The following ISCU variants were observed in gnomAD, a reference collection of about 807,000 sequenced individuals.
ISCU encodes iron-sulfur cluster assembly enzyme ISCU.
ISCU carries 13 observed loss-of-function variants against 18.4 expected under a neutral mutation model. The ratio of observed to expected loss-of-function variants is 0.71; its 90% CI spans 0.46 to 1.12. The LOEUF (loss-of-function observed/expected upper bound fraction) is 1.12. Among genes scored for constraint, ISCU ranks in the 50% most tolerant of loss-of-function variants. The pLI is 0.00. For synonymous variants in ISCU, 104 were observed against 87.5 expected (o/e 1.19, Z -1.06); for missense variants, 229 against 208.7 (o/e 1.10, Z -0.60).
chr12:108,564,005 T>C, intron 1 of ISCU: 1 of 1,210,286 alleles, frequency 8.3e-7, no homozygotes, highest in Non-Finnish European at 1.2e-6. Flanking sequence ...TCAAGTATTT[T>C]TGTAAAAATC....
At chr12:108,561,991 G>T (rs1343789508), upstream of ISCU, among the ~76,000 whole-genome samples, 1 of 152,040 alleles carries the variant, frequency 6.6e-6, no homozygotes, top group African/African-American at 2.4e-5. Flanking sequence ...TTTGCTTTCC[G>T]TTGGATCCCC....
At chr12:108,567,672 C>G in intron 4 of ISCU, 1 of 1,535,714 alleles carries the variant, frequency 6.5e-7, no homozygotes, top group Non-Finnish European at 8.7e-7. Flanking sequence ...TGTGCTGTTT[C>G]CAGCAGAGGA....
intron 2 of ISCU, 155 bp from the exon 3 acceptor site, chr12:108,565,166 C>T (rs1040193800): frequency 7.6e-6 from 5 of 656,064 alleles, no homozygotes; most frequent in African/African-American, 7.2e-5. Context: ...CATCACTGAG[C>T]TCTTTGAAAC....
In ISCU at chr12:108,567,283, T is replaced by G. The variant is rs2030945164; in HGVS notation, c.418+15T>G. 1 of 1,597,854 alleles carries G rather than the reference T, an allele frequency of 6.3e-7. No homozygotes were observed. The highest frequency in any genetic ancestry group is 8.6e-7 in the Non-Finnish European group (1 of 1,165,370). ...GCACTGCTCCAGTAAGTCTCTGCTCTCCATACCAGTCAGCTGGGACATTTG... is the reference window on the plus strand; with the variant it reads ...GCACTGCTCCAGTAAGTCTCTGCTCGCCATACCAGTCAGCTGGGACATTTG... On this transcript the variant is annotated intron_variant, in intron 4 of 4. Coordinates refer to ENST00000311893, the MANE Select transcript of ISCU (RefSeq NM_213595.4).
rs972404776 is a variant in ISCU at position 108,568,030 on chromosome 12, C to G, written c.418+762C>G. On this transcript the variant is annotated intron_variant, in intron 4 of 4. Coordinates refer to ENST00000311893, the MANE Select transcript of ISCU (RefSeq NM_213595.4). The stretch of plus-strand genomic sequence containing the variant: ...CCTCTTGCCAAGGTAATACTCACAG[C>G]AGAAGAGCCAGGTGCCGGGGCAGAC... 6.0e-6 allele frequency: 9 copies of G among 1,503,764 alleles called. No homozygotes were observed. In the Admixed American group the frequency reaches 1.9e-4, roughly 32 times the overall value. 93.2% of individuals were successfully genotyped at this position (1,503,764 alleles called of 1,614,324 possible). A position where few individuals can be genotyped will look rare whatever the true frequency, so the allele number is the denominator to read the frequency against.
rs974064912 is a variant in ISCU, at chr12:108,568,437, C to T, written c.419-394C>T. ...CTTTTTTATCATGACAAGATTTTGT[C>T]CAAAGCTAGACTTTGATGGGAGCAG... On this transcript the variant is annotated intron_variant, in intron 4 of 4. Transcript: ENST00000311893. The T allele has an allele frequency of 2.1e-5, 23 of 1,108,444 alleles. No individual in the cohort carries two copies. The African/African-American group carries it at 3.6e-4, about 17-fold the overall frequency. The allele number at this position is 1,108,444 out of a possible 1,614,324, so 68.7% of individuals were successfully genotyped here. A position where few individuals can be genotyped will look rare whatever the true frequency, so the allele number is the denominator to read the frequency against.
At chr12:108,566,957 CTG>C (rs1423251866) in intron 3 of ISCU, among the ~76,000 whole-genome samples, 1 of 152,226 alleles carries the variant, frequency 6.6e-6, no homozygotes, top group East Asian at 1.9e-4. Flanking sequence ...AGTGTCTGGG[CTG>C]TCTTTGCTTA....
chr12:108,564,317 C>A lies in ISCU; in HGVS notation c.153C>A (p.Ser51=), dbSNP rs1312841775. ...ATGAAAATCCTAGAAACGTGGGGTCCCTTGACAAGACATCTAAAAATGTTG... is the reference window on the plus strand; with the variant it reads ...ATGAAAATCCTAGAAACGTGGGGTCACTTGACAAGACATCTAAAAATGTTG... The part of the protein sequence containing the change: ...DHYENPRNVG[S]LDKTSKNVGT... Residue 51 remains serine, a synonymous_variant, in exon 2 of 5, where the codon TCC becomes TCA. Transcript: ENST00000311893. 3 of 1,614,016 alleles carry A rather than the reference C, an allele frequency of 1.9e-6. No homozygotes were observed. In the East Asian group the frequency reaches 6.7e-5, roughly 36 times the overall value.
rs746812687 is a variant in ISCU at position 108,562,613 on chromosome 12, A to G, written c.-10A>G. On this transcript the variant is annotated 5_prime_UTR_variant, in exon 1 of 5. Coordinates refer to ENST00000311893, the MANE Select transcript of ISCU (RefSeq NM_213595.4). ...GTCGCTCTGGACTGGCGCAGGCGCA[A>G]GCCGGCAAGATGGCGGCGGCTGGGG... 4 of 1,441,528 alleles carry G rather than the reference A, an allele frequency of 2.8e-6. No individual in the cohort carries two copies. The highest frequency in any genetic ancestry group is 3.6e-6 in the Non-Finnish European group (4 of 1,096,140). The allele number at this position is 1,441,528 out of a possible 1,614,324, so 89.3% of individuals were successfully genotyped here.
Position 108,562,714 on chromosome 12 carries a change from C to A in ISCU, c.92C>A (p.Pro31Gln). Residue 31 changes from proline (P) to glutamine (Q), a missense_variant, in exon 1 of 5, where the codon CCG becomes CAG. By Grantham distance (76) the Pro-to-Gln change is moderately conservative. Coordinates refer to ENST00000311893, the MANE Select transcript of ISCU (RefSeq NM_213595.4). The stretch of plus-strand genomic sequence containing the variant: ...CTGCCCGCCCGGGAGCTGTCGGCCC[C>A]GGCCCGACTCTATCACAAGAAGGTA... ...PRLPARELSA[P>Q]ARLYHKKVVD... 2.0e-6 allele frequency: 3 copies of A among 1,489,528 alleles called. No individual in the cohort carries two copies. Among genetic ancestry groups the A allele is most frequent in the South Asian group, 1.3e-5 (1 of 76,876 alleles). The allele number at this position is 1,489,528 out of a possible 1,614,324, so 92.3% of individuals were successfully genotyped here.
At position 108,569,336 on chromosome 12, in the gene ISCU, A is replaced by G; in HGVS notation, c.*420A>G. ...TAAAACAGATTGCGCATATATATAT[A>G]TGTATAAAAAATAATAAAATAATGG... On this transcript the variant is annotated 3_prime_UTR_variant, in exon 5 of 5. Coordinates refer to ENST00000311893, the MANE Select transcript of ISCU (RefSeq NM_213595.4). 1 of 165,600 alleles carries G rather than the reference A, an allele frequency of 6.0e-6. No individual in the cohort carries two copies. The highest frequency in any genetic ancestry group is 1.3e-5 in the Non-Finnish European group (1 of 75,844). 10.3% of individuals were successfully genotyped at this position (165,600 alleles called of 1,614,324 possible).
rs1283093465 is a variant in ISCU at position 108,564,316 on chromosome 12, C to T, written c.152C>T (p.Ser51Phe). The change falls in exon 2 of 5, where the codon TCC becomes TTC. Residue 51 changes from serine (S) to phenylalanine (F), a missense_variant. Ser to Phe is a radical substitution (Grantham distance 155). Transcript: ENST00000311893. ...TATGAAAATCCTAGAAACGTGGGGT[C>T]CCTTGACAAGACATCTAAAAATGTT... ...DHYENPRNVG[S>F]LDKTSKNVGT... The T allele has an allele frequency of 6.2e-7, 1 of 1,614,102 alleles. No individual in the cohort carries two copies. Among genetic ancestry groups the T allele is most frequent in the East Asian group, 2.2e-5 (1 of 44,890 alleles).
At chr12:108,564,601 C>A (rs1202390853) in intron 2 of ISCU, among the ~76,000 whole-genome samples, 1 of 152,160 alleles carries the variant, frequency 6.6e-6, no homozygotes, top group Non-Finnish European at 1.5e-5. Flanking sequence ...GTGTACTATG[C>A]CAACTTTTTC....
In ISCU at chr12:108,569,061, A is replaced by G; in HGVS notation, c.*145A>G. ...ACTTGCTGTTCACGTTATGACTCTCATGCAAGCAAAATACACAGTTTCATT... is the reference window on the plus strand; with the variant it reads ...ACTTGCTGTTCACGTTATGACTCTCGTGCAAGCAAAATACACAGTTTCATT... On this transcript the variant is annotated 3_prime_UTR_variant, in exon 5 of 5. Transcript: ENST00000311893. 1.4e-6 allele frequency: 1 copy of G among 712,198 alleles called. No homozygotes were observed. Among genetic ancestry groups the G allele is most frequent in the Non-Finnish European group, 2.5e-6 (1 of 405,516 alleles). The allele number at this position is 712,198 out of a possible 1,614,324, so 44.1% of individuals were successfully genotyped here.
chr12:108,564,728 A>G (rs1463800743), intron 2 of ISCU, among the ~76,000 whole-genome samples: 1 of 152,262 alleles, frequency 6.6e-6, no homozygotes, highest in Non-Finnish European at 1.5e-5. Context: ...GTGAGCTAGC[A>G]GTCCCCAATG....
Position 108,562,662 on chromosome 12 carries a change from T to G in ISCU, c.40T>G (p.Ser14Ala). Residue 14 changes from serine to alanine, a missense_variant, in exon 1 of 5, where the codon TCG becomes GCG. Physicochemically the swap from Ser to Ala is moderately conservative, Grantham distance 99. Coordinates refer to ENST00000311893, the MANE Select transcript of ISCU (RefSeq NM_213595.4). ...AGAFRLRRAA[S>A]ALLLRSPRLP... is the part of the protein sequence containing the mutation. Reference sequence around the variant, plus strand: ...GGCTTTCCGTCTGAGGCGGGCGGCATCGGCTCTGCTGCTGCGGAGCCCCCG... The same window carrying G: ...GGCTTTCCGTCTGAGGCGGGCGGCAGCGGCTCTGCTGCTGCGGAGCCCCCG... 1 of 1,452,480 alleles carries G rather than the reference T, an allele frequency of 6.9e-7. No individual in the cohort carries two copies. The highest frequency in any genetic ancestry group is 2.9e-5 in the East Asian group (1 of 34,596). 90.0% of individuals were successfully genotyped at this position (1,452,480 alleles called of 1,614,324 possible).
chr12:108,567,416 T>A, intron 4 of ISCU, 148 bp downstream of exon 4: 1 of 770,148 alleles, frequency 1.3e-6, no homozygotes, highest in Non-Finnish European at 2.3e-6. Flanking sequence ...TGCAGAGGGT[T>A]AGAGCCCCCA....
chr12:108,561,527 C>G (rs1417165179), upstream of ISCU: 2 of 186,884 alleles, frequency 1.1e-5, no homozygotes, highest in African/African-American at 4.7e-5. Flanking sequence ...CCTTACTTAT[C>G]GCCTAGTGTG....
intron 4 of ISCU, 37 bp from the exon 5 acceptor site, chr12:108,568,794 C>A: frequency 1.3e-6 from 2 of 1,597,018 alleles, no homozygotes; most frequent in Middle Eastern, 1.7e-4. Flanking sequence ...TCTTTCACAT[C>A]TAGAAACTTA....
Sources: allele counts gnomAD v4.1 joint callset (sites outside exome capture counted in the v4.1 genomes callset), GRCh38; gene constraint gnomAD v4.1.1; transcripts MANE v1.5; gene names NCBI Gene and HGNC (gene_info 2026-07-23, HGNC 2026-07-21).